The following SNX33 variants were observed in gnomAD, a reference collection of about 807,000 sequenced individuals.
SNX33 encodes sorting nexin-33.
SNX33 carries 19 observed loss-of-function variants against 38.8 expected under a neutral mutation model. The observed-to-expected ratio is 0.49, with a 90% confidence interval of 0.34 to 0.72. SNX33 has a LOEUF of 0.72. SNX33 is among the 30% of genes least tolerant of loss of function. SNX33 has a pLI of 0.01. For missense variants in SNX33, 641 were observed against 776.4 expected (o/e 0.83, Z 2.07); for synonymous variants, 246 against 289.7 (o/e 0.85, Z 1.53).
intron 1 of SNX33, among the ~76,000 whole-genome samples, chr15:75,652,021 T>TC (rs397801693): frequency 2.0e-5 from 3 of 150,408 alleles, no homozygotes; most frequent in Non-Finnish European, 4.4e-5. Context: ...TTTTTTTTTT[T>TC]CTCTCATCTC....
At position 75,656,700 on chromosome 15, in the gene SNX33, A is replaced by C. The variant is rs996726378; in HGVS notation, c.1472-262A>C. Among the ~76,000 whole-genome samples the C allele has an allele frequency of 2.6e-5, 4 of 152,298 alleles. No homozygotes were observed. In the East Asian group the frequency reaches 7.7e-4, roughly 29 times the overall value. On this transcript the variant is annotated intron_variant, in intron 1 of 1. Transcript: ENST00000308527. ...TCCTCATTGAATTCATAGTCCATCA[A>C]GCAGGGCTGTGACTGGTCACATGTG... is the stretch of plus-strand genomic sequence containing the variant.
Position 75,660,848 on chromosome 15 carries a change from G to A in SNX33, c.*3633G>A, listed in dbSNP as rs1181742578. On this transcript the variant is annotated 3_prime_UTR_variant, in exon 2 of 2. Coordinates refer to ENST00000308527, the MANE Select transcript of SNX33 (RefSeq NM_153271.2). ...AGCTTTGCTTGGAGACACCACCCCTGGAGGGGGTGTCTCCAAGGGGGAGTA... is the reference window on the plus strand; with the variant it reads ...AGCTTTGCTTGGAGACACCACCCCTAGAGGGGGTGTCTCCAAGGGGGAGTA... 1 of 152,182 alleles carries A rather than the reference G, an allele frequency of 6.6e-6. No homozygotes were observed. Among genetic ancestry groups the A allele is most frequent in the Non-Finnish European group, 1.5e-5 (1 of 68,034 alleles). The allele number at this position is 152,182 out of a possible 1,614,324, so 9.4% of individuals were successfully genotyped here. A position where few individuals can be genotyped will look rare whatever the true frequency, so the allele number is the denominator to read the frequency against.
At position 75,649,688 on chromosome 15, in the gene SNX33, G is replaced by T. The variant is rs746544703; in HGVS notation, c.586G>T (p.Ala196Ser). 5 of 1,569,202 alleles carry T rather than the reference G, an allele frequency of 3.2e-6. No homozygotes were observed. Among genetic ancestry groups the T allele is most frequent in the Non-Finnish European group, 4.3e-6 (5 of 1,153,400 alleles). Residue 196 changes from alanine (A) to serine (S), a missense_variant, in exon 1 of 2, where the codon GCC becomes TCC. Around this residue, in one of 2 missense-constraint regions of SNX33, gnomAD observed 398 missense variants for 542.5 expected, o/e 0.73. Transcript: ENST00000308527. This position sits in a 1 kb window ranked among gnomAD's most constrained non-coding sequence, Gnocchi z 6.6. ...FSCFVRSGVEAFILGDVPMMA... is the reference protein window; with the variant it reads ...FSCFVRSGVESFILGDVPMMA... ...ATGCTTTGTGCGTTCTGGAGTGGAGGCCTTCATCCTGGGTGATGTGCCCAT... is the reference window on the plus strand; with the variant it reads ...ATGCTTTGTGCGTTCTGGAGTGGAGTCCTTCATCCTGGGTGATGTGCCCAT...
Position 75,649,531 on chromosome 15 carries a change from C to G in SNX33, c.429C>G (p.Leu143=). Residue 143 remains leucine, a synonymous_variant, in exon 1 of 2, where the codon CTC becomes CTG. Coordinates refer to ENST00000308527, the MANE Select transcript of SNX33 (RefSeq NM_153271.2). The surrounding 1 kb of genome is among the most constrained non-coding windows in gnomAD (Gnocchi z 6.6). ...TGGGCACCAACGGGCACCCTCCCCT[C>G]AACCTCTCCTACCCTGGTGCCTACC... ...GGLGTNGHPP[L]NLSYPGAYPS... 1 of 1,600,136 alleles carries G rather than the reference C, an allele frequency of 6.2e-7. No homozygotes were observed. The highest frequency in any genetic ancestry group is 8.5e-7 in the Non-Finnish European group (1 of 1,170,866).
Position 75,658,440 on chromosome 15 carries a change from C to T in SNX33, c.*1225C>T, listed in dbSNP as rs1893682168. The T allele has an allele frequency of 6.6e-6, 1 of 152,640 alleles. No homozygotes were observed. Among genetic ancestry groups the T allele is most frequent in the Non-Finnish European group, 1.5e-5 (1 of 68,070 alleles). 9.5% of individuals were successfully genotyped at this position (152,640 alleles called of 1,614,324 possible). A position where few individuals can be genotyped will look rare whatever the true frequency, so the allele number is the denominator to read the frequency against. ...CCTGCTCCCCGTCAGGTTGTGCTGTCTCTGACCTATGTTTACATCCCCGAG... is the reference window on the plus strand; with the variant it reads ...CCTGCTCCCCGTCAGGTTGTGCTGTTTCTGACCTATGTTTACATCCCCGAG... On this transcript the variant is annotated 3_prime_UTR_variant, in exon 2 of 2. Transcript: ENST00000308527. This position sits in a 1 kb window ranked among gnomAD's most constrained non-coding sequence, Gnocchi z 4.1.
chr15:75,657,528 G>T lies in SNX33; in HGVS notation c.*313G>T. On this transcript the variant is annotated 3_prime_UTR_variant, in exon 2 of 2. Coordinates refer to ENST00000308527, the MANE Select transcript of SNX33 (RefSeq NM_153271.2). This position sits in a 1 kb window ranked among gnomAD's most constrained non-coding sequence, Gnocchi z 5.5. ...GCCTCCCCTAGAGCCTATTTTGCTT[G>T]CTCACCTGGCCACTGCTGCCTTATC... The T allele has an allele frequency of 2.2e-6, 1 of 445,978 alleles. No individual in the cohort carries two copies. Among genetic ancestry groups the T allele is most frequent in the Non-Finnish European group, 4.1e-6 (1 of 241,116 alleles). The allele number at this position is 445,978 out of a possible 1,614,324, so 27.6% of individuals were successfully genotyped here. A position where few individuals can be genotyped will look rare whatever the true frequency, so the allele number is the denominator to read the frequency against.
chr15:75,650,453 G>A lies in SNX33; in HGVS notation c.1351G>A (p.Glu451Lys). 1.2e-6 allele frequency: 2 copies of A among 1,614,160 alleles called. No individual in the cohort carries two copies. Among genetic ancestry groups the A allele is most frequent in the Non-Finnish European group, 1.7e-6 (2 of 1,180,042 alleles). ...CATTTCTCACACGGGCCGTACCTAT[G>A]AAGCCATCGGGGAGATGTTTGCTGA... ...SAISHTGRTY[E>K]AIGEMFAEQP... Residue 451 changes from glutamate (E) to lysine (K), a missense_variant, in exon 1 of 2, where the codon GAA becomes AAA. Physicochemically the swap from Glu to Lys is moderately conservative, Grantham distance 56. This residue lies in a region of SNX33 where 398 missense variants were observed against 542.5 expected (regional missense o/e 0.73). Coordinates refer to ENST00000308527, the MANE Select transcript of SNX33 (RefSeq NM_153271.2). This position sits in a 1 kb window ranked among gnomAD's most constrained non-coding sequence, Gnocchi z 6.1.
rs1335109855 is a variant in SNX33 at position 75,650,940 on chromosome 15, G to A, written c.1471+367G>A. On this transcript the variant is annotated intron_variant, in intron 1 of 1. Transcript: ENST00000308527. The surrounding 1 kb of genome is among the most constrained non-coding windows in gnomAD (Gnocchi z 6.1). ...TGTGGCAAATGTGCTTCTAGGTGCAGGGATATTGTTGTGCACAGGCCCGGT... is the reference window on the plus strand; with the variant it reads ...TGTGGCAAATGTGCTTCTAGGTGCAAGGATATTGTTGTGCACAGGCCCGGT... 6.8e-6 allele frequency among the ~76,000 whole-genome samples: 1 copy of A among 147,008 alleles called. No individual in the cohort carries two copies. Among genetic ancestry groups the A allele is most frequent in the African/African-American group, 2.4e-5 (1 of 41,216 alleles).
Position 75,649,074 on chromosome 15 carries a change from C to T in SNX33, c.-29C>T. On this transcript the variant is annotated 5_prime_UTR_variant, in exon 1 of 2. Transcript: ENST00000308527. The surrounding 1 kb of genome is among the most constrained non-coding windows in gnomAD (Gnocchi z 6.6). Reference sequence around the variant, plus strand: ...CCGGTCTGGGCAGGACCCTCTCCTTCCCATCTTTCTATACCACCCAGCCCA... The same window carrying T: ...CCGGTCTGGGCAGGACCCTCTCCTTTCCATCTTTCTATACCACCCAGCCCA... 6.4e-7 allele frequency: 1 copy of T among 1,551,038 alleles called. No homozygotes were observed. The highest frequency in any genetic ancestry group is 8.7e-7 in the Non-Finnish European group (1 of 1,146,536).
chr15:75,649,063 A>T lies in SNX33; in HGVS notation c.-40A>T, dbSNP rs778933663. ...TGTGAGCATCCCCGGTCTGGGCAGG[A>T]CCCTCTCCTTCCCATCTTTCTATAC... On this transcript the variant is annotated 5_prime_UTR_variant, in exon 1 of 2. Transcript: ENST00000308527. The surrounding 1 kb of genome is among the most constrained non-coding windows in gnomAD (Gnocchi z 6.6). 2 of 1,544,806 alleles carry T rather than the reference A, an allele frequency of 1.3e-6. No homozygotes were observed. Among genetic ancestry groups the T allele is most frequent in the Admixed American group, 1.9e-5 (1 of 51,562 alleles).
chr15:75,659,226 G>A lies in SNX33; in HGVS notation c.*2011G>A, dbSNP rs1893693376. 6.6e-6 allele frequency: 1 copy of A among 152,392 alleles called. No homozygotes were observed. Among genetic ancestry groups the A allele is most frequent in the African/African-American group, 2.4e-5 (1 of 41,458 alleles). The allele number at this position is 152,392 out of a possible 1,614,324, so 9.4% of individuals were successfully genotyped here. A position where few individuals can be genotyped will look rare whatever the true frequency, so the allele number is the denominator to read the frequency against. ...ATCCACAGATGAGAGGAGGGTACTG[G>A]TTGAGACTTGGCTCTCCTTTGGAGG... is the stretch of plus-strand genomic sequence containing the variant. On this transcript the variant is annotated 3_prime_UTR_variant, in exon 2 of 2. Coordinates refer to ENST00000308527, the MANE Select transcript of SNX33 (RefSeq NM_153271.2).
chr15:75,648,660 G>T lies in SNX33; in HGVS notation c.-443G>T. ...GGAGCCAGAGGGACAGCCGAGCCCTGCCCGGGTTTCTGGAATGGTGGTTTC... is the reference window on the plus strand; with the variant it reads ...GGAGCCAGAGGGACAGCCGAGCCCTTCCCGGGTTTCTGGAATGGTGGTTTC... On this transcript the variant is annotated 5_prime_UTR_variant, in exon 1 of 2. Transcript: ENST00000308527. This position sits in a 1 kb window ranked among gnomAD's most constrained non-coding sequence, Gnocchi z 4.4. The T allele has an allele frequency of 2.1e-6, 1 of 474,598 alleles. No individual in the cohort carries two copies. The highest frequency in any genetic ancestry group is 2.7e-6 in the Non-Finnish European group (1 of 364,586). The allele number at this position is 474,598 out of a possible 1,614,324, so 29.4% of individuals were successfully genotyped here.
At chr15:75,653,262 G>A (rs542072944) in intron 1 of SNX33, among the ~76,000 whole-genome samples, 3 of 152,338 alleles carry the variant, frequency 2.0e-5, no homozygotes, top group South Asian at 4.1e-4. Flanking sequence ...CCTAGTCCCT[G>A]TAGCCCAATC....
At chr15:75,656,894 C>G in intron 1 of SNX33, 68 bp from the exon 2 acceptor site, 1 of 1,561,178 alleles carries the variant, frequency 6.4e-7, no homozygotes, top group Non-Finnish European at 8.7e-7. Flanking sequence ...GCTGTCTGCC[C>G]TCAAGGGTAC....
intron 1 of SNX33, among the ~76,000 whole-genome samples, chr15:75,651,824 G>A (rs1214233264): frequency 1.3e-5 from 2 of 152,212 alleles, no homozygotes; most frequent in South Asian, 2.1e-4. Context: ...TCTGGGTGGG[G>A]CCAGGGGGCA....
At chr15:75,654,626 C>T (rs1893630089) in intron 1 of SNX33, among the ~76,000 whole-genome samples, 1 of 152,200 alleles carries the variant, frequency 6.6e-6, no homozygotes, top group Admixed American at 6.5e-5. Context: ...CAGGTTAAGT[C>T]TTAAGTAGAA....
chr15:75,654,638 G>T (rs1893630229), intron 1 of SNX33, among the ~76,000 whole-genome samples: 1 of 152,212 alleles, frequency 6.6e-6, no homozygotes, highest in Admixed American at 6.5e-5. Context: ...TAAGTAGAAT[G>T]TCGGGGGGAT....
rs990508355 is a variant in SNX33 at position 75,660,787 on chromosome 15, C to T, written c.*3572C>T. 2 of 152,354 alleles carry T rather than the reference C, an allele frequency of 1.3e-5. No homozygotes were observed. The highest frequency in any genetic ancestry group is 2.4e-5 in the African/African-American group (1 of 41,436). The allele number at this position is 152,354 out of a possible 1,614,324, so 9.4% of individuals were successfully genotyped here. A position where few individuals can be genotyped will look rare whatever the true frequency, so the allele number is the denominator to read the frequency against. ...CTGTGCCTGGACTGCACCTGCATGA[C>T]CTCCCAGGGTCCCCACCTCATCAGA... On this transcript the variant is annotated 3_prime_UTR_variant, in exon 2 of 2. Coordinates refer to ENST00000308527, the MANE Select transcript of SNX33 (RefSeq NM_153271.2).
chr15:75,652,005 T>TG (rs1893587431), intron 1 of SNX33, among the ~76,000 whole-genome samples: 1 of 133,316 alleles, frequency 7.5e-6, no homozygotes. Flanking sequence ...CCTTTCTTTC[T>TG]GTTTTTTTTT....
Sources: allele counts gnomAD v4.1 joint callset (sites outside exome capture counted in the v4.1 genomes callset), GRCh38; gene constraint gnomAD v4.1.1; regional missense constraint gnomAD v4.1.1; non-coding constraint Gnocchi (gnomAD v3.1); transcripts MANE v1.5; gene names NCBI Gene and HGNC (gene_info 2026-07-23, HGNC 2026-07-21).